Variants in ETV1 observed in about 807,000 individuals in gnomAD.
ETV1 encodes ETS translocation variant 1.
ETV1 carries 27 observed loss-of-function variants against 62.3 expected under a neutral mutation model. The ratio of observed to expected loss-of-function variants is 0.43; its 90% CI spans 0.32 to 0.60. The LOEUF (loss-of-function observed/expected upper bound fraction) is 0.60, where lower values mean the gene tolerates loss of function less well. ETV1 is among the 20% of genes least tolerant of loss of function. The pLI is 0.06. For synonymous variants in ETV1, 222 were observed against 199.6 expected (o/e 1.11, Z -0.94); for missense variants, 605 against 605.8 (o/e 1.00, Z 0.01).
chr7:13,970,353 A>C (rs1174402000), intron 6 of ETV1, among the ~76,000 whole-genome samples: 1 of 151,566 alleles, frequency 6.6e-6, no homozygotes, highest in Non-Finnish European at 1.5e-5. Flanking sequence ...AAGCATACCC[A>C]AAAGAAACTC....
chr7:13,918,730 G>C (rs1360727937), intron 9 of ETV1, among the ~76,000 whole-genome samples: 1 of 151,482 alleles, frequency 6.6e-6, no homozygotes, highest in African/African-American at 2.4e-5. Flanking sequence ...GTGGTGGGGT[G>C]GGGGGACGGG....
At chr7:13,959,513 T>G (rs1249740567) in intron 6 of ETV1, among the ~76,000 whole-genome samples, 1 of 152,168 alleles carries the variant, frequency 6.6e-6, no homozygotes, top group African/African-American at 2.4e-5. Context: ...CTATCTATCT[T>G]TATCCTGGCA....
At chr7:13,977,920 C>G (rs1304016995) in intron 5 of ETV1, among the ~76,000 whole-genome samples, 1 of 152,146 alleles carries the variant, frequency 6.6e-6, no homozygotes, top group Non-Finnish European at 1.5e-5. Flanking sequence ...ACACGTCTCT[C>G]TGCTTTTTTA....
chr7:13,945,544 A>G (rs1394439330), intron 6 of ETV1, among the ~76,000 whole-genome samples: 1 of 152,176 alleles, frequency 6.6e-6, no homozygotes, highest in African/African-American at 2.4e-5. Context: ...GAAAAAAGAG[A>G]AAGCCAACCT....
chr7:13,947,833 G>A (rs1788352960), intron 6 of ETV1, among the ~76,000 whole-genome samples: 1 of 152,118 alleles, frequency 6.6e-6, no homozygotes, highest in South Asian at 2.1e-4. Context: ...TGGAGCTATG[G>A]AATGAAGATA....
intron 5 of ETV1, among the ~76,000 whole-genome samples, chr7:13,981,840 T>TG (rs2128507104): frequency 6.6e-6 from 1 of 151,860 alleles, no homozygotes; most frequent in South Asian, 2.1e-4. Flanking sequence ...AAATAAGAAG[T>TG]AAAAAAAGAA....
chr7:13,950,639 A>C (rs1187894774), intron 6 of ETV1, among the ~76,000 whole-genome samples: 2 of 152,236 alleles, frequency 1.3e-5, no homozygotes, highest in East Asian at 3.9e-4. Flanking sequence ...AGAATACCAT[A>C]ACATCTTAAT....
chr7:13,989,584 A>G lies in ETV1; in HGVS notation c.-306T>C. 2.5e-6 allele frequency: 1 copy of G among 399,152 alleles called. No homozygotes were observed. The highest frequency in any genetic ancestry group is 4.4e-6 in the Non-Finnish European group (1 of 226,168). The allele number at this position is 399,152 out of a possible 1,614,324, so 24.7% of individuals were successfully genotyped here. A position where few individuals can be genotyped will look rare whatever the true frequency, so the allele number is the denominator to read the frequency against. On this transcript the variant is annotated 5_prime_UTR_variant, in exon 1 of 14. Transcript: ENST00000430479. ...CCACCTGAAGGCCACGCTAGGCGAA[A>G]GGCTGCAAAAACTTCCCTCCAAATT...
At chr7:13,931,846 TA>T in intron 8 of ETV1, 97 bp from the exon 9 acceptor site, 1 of 1,431,524 alleles carries the variant, frequency 7.0e-7, no homozygotes, top group Non-Finnish European at 9.6e-7. Context: ...ACGAACATGA[TA>T]CCAGCTGACC....
At chr7:13,984,535 T>C (rs767228253) in intron 5 of ETV1, among the ~76,000 whole-genome samples, 2 of 151,938 alleles carry the variant, frequency 1.3e-5, no homozygotes, top group Non-Finnish European at 1.5e-5. Flanking sequence ...CACTATTAGG[T>C]TTTAAACATC....
rs7788706 is a variant in ETV1 at position 13,970,244 on chromosome 7, G to C, written c.235+7183C>G. Among the ~76,000 whole-genome samples, 988 of 147,954 alleles carry C rather than the reference G, an allele frequency of 6.7e-3. 54 individuals are homozygous for C. In the East Asian group the frequency reaches 0.13, roughly 19 times the overall value. Reference sequence around the variant, plus strand: ...CCACTGCACTCCAGCCTGGGCGACAGAGCGAGACCCCATCTCAAAACACAC... The same window carrying C: ...CCACTGCACTCCAGCCTGGGCGACACAGCGAGACCCCATCTCAAAACACAC... On this transcript the variant is annotated intron_variant, in intron 6 of 13. Coordinates refer to ENST00000430479, the MANE Select transcript of ETV1 (RefSeq NM_004956.5).
intron 9 of ETV1, among the ~76,000 whole-genome samples, chr7:13,929,932 C>T (rs951334989): frequency 3.9e-5 from 6 of 152,132 alleles, no homozygotes; most frequent in East Asian, 1.9e-4. Flanking sequence ...TAATCTTATA[C>T]GCAAACTGGT....
intron 7 of ETV1, among the ~76,000 whole-genome samples, chr7:13,938,559 T>G (rs1369747472): frequency 2.0e-5 from 3 of 152,230 alleles, no homozygotes; most frequent in African/African-American, 7.2e-5. Flanking sequence ...TGAACATATA[T>G]GTGATCAAAT....
chr7:13,923,383 C>G (rs533320200), intron 9 of ETV1, among the ~76,000 whole-genome samples: 2 of 152,186 alleles, frequency 1.3e-5, no homozygotes, highest in Admixed American at 1.3e-4. Context: ...CATAGAATAA[C>G]ATTTACAATA....
chr7:13,933,822 G>C (rs1466542770), intron 8 of ETV1, among the ~76,000 whole-genome samples: 1 of 152,182 alleles, frequency 6.6e-6, no homozygotes, highest in Non-Finnish European at 1.5e-5. Context: ...TGGAGTTCCG[G>C]GCCGGCTGTT....
At chr7:13,901,230 C>G (rs1782388067) in intron 12 of ETV1, among the ~76,000 whole-genome samples, 1 of 152,120 alleles carries the variant, frequency 6.6e-6, no homozygotes, top group Non-Finnish European at 1.5e-5. Context: ...GTCTCGAACT[C>G]CTGACCTCAG....
chr7:13,955,079 G>A (rs938211791), intron 6 of ETV1, among the ~76,000 whole-genome samples: 1 of 152,170 alleles, frequency 6.6e-6, no homozygotes, highest in Non-Finnish European at 1.5e-5. Context: ...TGTTAATACT[G>A]GCTGGGGTAA....
At chr7:13,931,795 C>T in intron 8 of ETV1, 46 bp from the exon 9 acceptor site, 2 of 1,600,362 alleles carry the variant, frequency 1.2e-6, no homozygotes, top group Non-Finnish European at 1.7e-6. Context: ...TAACATGGAA[C>T]ATTCTTTAAA....
intron 9 of ETV1, among the ~76,000 whole-genome samples, chr7:13,918,741 G>GA (rs1784483218): frequency 6.6e-6 from 1 of 151,548 alleles, no homozygotes; most frequent in African/African-American, 2.4e-5. Flanking sequence ...GGGGGACGGG[G>GA]GAGGGATAGC....
Sources: allele counts gnomAD v4.1 joint callset (sites outside exome capture counted in the v4.1 genomes callset), GRCh38; gene constraint gnomAD v4.1.1; transcripts MANE v1.5; gene names NCBI Gene and HGNC (gene_info 2026-07-23, HGNC 2026-07-21).